Variants in ERGIC1 observed in about 807,000 individuals in gnomAD.
ERGIC1 encodes endoplasmic reticulum-golgi intermediate compartment 1, also known as endoplasmic reticulum-Golgi intermediate compartment protein 1.
In ERGIC1, 19 loss-of-function variants were observed where a neutral mutation model predicts 38.3. The observed-to-expected ratio is 0.50, with a 90% CI of 0.35 to 0.73. The LOEUF is 0.73. Among genes scored for constraint, ERGIC1 ranks in the 30% least tolerant of loss-of-function variants. ERGIC1 has a pLI of 0.01. For missense variants in ERGIC1, 294 were observed against 389.2 expected (o/e 0.76, Z 2.06); for synonymous variants, 124 against 157.6 (o/e 0.79, Z 1.60).
At chr5:172,873,755 T>C (rs919613241) in intron 1 of ERGIC1, among the ~76,000 whole-genome samples, 1 of 152,174 alleles carries the variant, frequency 6.6e-6, no homozygotes, top group African/African-American at 2.4e-5. Flanking sequence ...TCTGCATTTG[T>C]TGAAGGAACC....
At chr5:172,927,866 C>T (rs1163953963) in intron 7 of ERGIC1, among the ~76,000 whole-genome samples, 2 of 152,102 alleles carry the variant, frequency 1.3e-5, no homozygotes, top group Non-Finnish European at 2.9e-5. Context: ...GTCTTCTCAC[C>T]GAAAGTGTCT....
intron 1 of ERGIC1, among the ~76,000 whole-genome samples, chr5:172,857,588 G>GCCCCCCCCCC (rs57477954): frequency 3.8e-5 from 5 of 132,716 alleles, no homozygotes; most frequent in African/African-American, 1.4e-4. Flanking sequence ...TAATAATGGT[G>GCCCCCCCCCC]CCCCCCCCAC....
chr5:172,891,924 G>T (rs1270523598), intron 2 of ERGIC1, among the ~76,000 whole-genome samples: 1 of 152,196 alleles, frequency 6.6e-6, no homozygotes, highest in African/African-American at 2.4e-5. Context: ...GACCTACGGG[G>T]CCTGTGGCCA....
chr5:172,878,746 C>G (rs1207721423), intron 1 of ERGIC1, among the ~76,000 whole-genome samples: 1 of 152,250 alleles, frequency 6.6e-6, no homozygotes, highest in Admixed American at 6.5e-5. Flanking sequence ...GGCTCCCTCC[C>G]GCCTGCCTCC....
intron 7 of ERGIC1, among the ~76,000 whole-genome samples, chr5:172,927,443 T>C (rs551405590): frequency 6.6e-5 from 10 of 152,164 alleles, no homozygotes; most frequent in Non-Finnish European, 1.5e-4. Flanking sequence ...TAAGCAGAAC[T>C]CACTTTTCTT....
intron 1 of ERGIC1, among the ~76,000 whole-genome samples, chr5:172,869,547 A>G (rs1761953075): frequency 1.3e-5 from 2 of 152,232 alleles, no homozygotes; most frequent in African/African-American, 4.8e-5. Flanking sequence ...TGCCAGAGGT[A>G]GCAGCCTCAG....
rs1443118185 is a variant in ERGIC1 at position 172,834,255 on chromosome 5, C to T, written c.-159C>T. ...CAATGGGCTGCGCGGAGCGTCACTTCCCGGCAGCGGGAGGCGAGTGGCGAG... is the reference window on the plus strand; with the variant it reads ...CAATGGGCTGCGCGGAGCGTCACTTTCCGGCAGCGGGAGGCGAGTGGCGAG... On this transcript the variant is annotated 5_prime_UTR_variant, in exon 1 of 10. Coordinates refer to ENST00000393784, the MANE Select transcript of ERGIC1 (RefSeq NM_001031711.3). The surrounding 1 kb of genome is among the most constrained non-coding windows in gnomAD (Gnocchi z 4.1). 6.3e-5 allele frequency: 45 copies of T among 716,908 alleles called. No individual in the cohort carries two copies. Among genetic ancestry groups the T allele is most frequent in the Non-Finnish European group, 8.1e-5 (45 of 553,836 alleles). The allele number at this position is 716,908 out of a possible 1,614,324, so 44.4% of individuals were successfully genotyped here.
chr5:172,840,224 T>A (rs538672608), intron 1 of ERGIC1, among the ~76,000 whole-genome samples: 4 of 152,146 alleles, frequency 2.6e-5, no homozygotes, highest in Non-Finnish European at 5.9e-5. Context: ...TGGAATGAGA[T>A]GGAATGTCCT....
chr5:172,898,804 G>A (rs1158391986), intron 3 of ERGIC1, among the ~76,000 whole-genome samples: 3 of 152,112 alleles, frequency 2.0e-5, no homozygotes, highest in Non-Finnish European at 4.4e-5. Flanking sequence ...CGAAGAAGGG[G>A]TTTTATTCCC....
intron 1 of ERGIC1, among the ~76,000 whole-genome samples, chr5:172,855,455 G>A (rs750108313): frequency 4.6e-5 from 7 of 152,216 alleles, no homozygotes; most frequent in Admixed American, 1.3e-4. Flanking sequence ...GCTGCGCCCT[G>A]TGCTGAGGCT....
Position 172,847,086 on chromosome 5 carries a change from A to G in ERGIC1, c.20+12653A>G, listed in dbSNP as rs574630370. On this transcript the variant is annotated intron_variant, in intron 1 of 9. Coordinates refer to ENST00000393784, the MANE Select transcript of ERGIC1 (RefSeq NM_001031711.3). ...TTATGCTGGGACTTGATGACTGCTCATGAAGTCCCAGCAGAAGATGGGGTG... is the reference window on the plus strand; with the variant it reads ...TTATGCTGGGACTTGATGACTGCTCGTGAAGTCCCAGCAGAAGATGGGGTG... Among the ~76,000 whole-genome samples the G allele has an allele frequency of 2.0e-5, 3 of 152,272 alleles. No homozygotes were observed. The South Asian group carries it at 6.2e-4, about 32-fold the overall frequency.
chr5:172,887,523 C>T (rs1416078086), intron 1 of ERGIC1, among the ~76,000 whole-genome samples: 1 of 152,182 alleles, frequency 6.6e-6, no homozygotes. Flanking sequence ...GAGGTGAAGT[C>T]GTTTGCTGAA....
At chr5:172,890,192 C>T (rs1254630296) in intron 2 of ERGIC1, among the ~76,000 whole-genome samples, 1 of 152,084 alleles carries the variant, frequency 6.6e-6, no homozygotes, top group African/African-American at 2.4e-5. Flanking sequence ...TGGGATCGTA[C>T]CAAAAAACCA....
At chr5:172,840,322 A>G (rs1258003190) in intron 1 of ERGIC1, among the ~76,000 whole-genome samples, 1 of 152,158 alleles carries the variant, frequency 6.6e-6, no homozygotes, top group Non-Finnish European at 1.5e-5. Context: ...GTTAAGTTAC[A>G]TTCCCCATCT....
At chr5:172,928,676 AT>A (rs1763709309) in intron 7 of ERGIC1, among the ~76,000 whole-genome samples, 1 of 60,760 alleles carries the variant, frequency 1.6e-5, no homozygotes, top group African/African-American at 6.3e-5. Context: ...TAGTAGGTAT[AT>A]GATCGATGAT....
intron 1 of ERGIC1, among the ~76,000 whole-genome samples, chr5:172,875,031 G>A (rs936962859): frequency 1.3e-5 from 2 of 152,124 alleles, no homozygotes; most frequent in Non-Finnish European, 2.9e-5. Context: ...ATACAGAGAT[G>A]CAAAGGCAGA....
At chr5:172,928,521 GT>G (rs1309308454) in intron 7 of ERGIC1, among the ~76,000 whole-genome samples, 2 of 152,214 alleles carry the variant, frequency 1.3e-5, no homozygotes, top group African/African-American at 4.8e-5. Flanking sequence ...GGACAAACCT[GT>G]TTTTTCTTCC....
At chr5:172,935,120 C>G in intron 8 of ERGIC1, 68 bp from the exon 9 acceptor site, 1 of 1,609,962 alleles carries the variant, frequency 6.2e-7, no homozygotes. Flanking sequence ...GGGGGGCCCT[C>G]TGCAATCCAG....
chr5:172,884,749 G>A lies in ERGIC1; in HGVS notation c.21-3950G>A, dbSNP rs552656402. 3.3e-5 allele frequency among the ~76,000 whole-genome samples: 5 copies of A among 152,316 alleles called. No individual in the cohort carries two copies. The South Asian group carries it at 6.2e-4, about 19-fold the overall frequency. On this transcript the variant is annotated intron_variant, in intron 1 of 9. Transcript: ENST00000393784. ...GGTTTGGGTGCTCGTTACACTCACT[G>A]CTATTGGGCTGTTGCTGTTGCTGGA...
Sources: allele counts gnomAD v4.1 joint callset (sites outside exome capture counted in the v4.1 genomes callset), GRCh38; gene constraint gnomAD v4.1.1; non-coding constraint Gnocchi (gnomAD v3.1); transcripts MANE v1.5; gene names NCBI Gene and HGNC (gene_info 2026-07-23, HGNC 2026-07-21).